The following CRTC3 variants were observed in gnomAD, a reference collection of about 807,000 sequenced individuals.
CRTC3 encodes the protein CREB-regulated transcription coactivator 3.
CRTC3 carries 26 observed loss-of-function variants against 74.5 expected under a neutral mutation model. The ratio of observed to expected loss-of-function variants is 0.35; its 90% CI spans 0.26 to 0.48. The LOEUF (loss-of-function observed/expected upper bound fraction) is 0.48, where lower values mean the gene tolerates loss of function less well. CRTC3 is among the 20% of genes least tolerant of loss of function. The pLI is 0.99. For synonymous variants in CRTC3, 377 were observed against 325.8 expected, an observed-to-expected ratio of 1.16 and a Z score of -1.69; for missense variants, 760 against 787.3, an observed-to-expected ratio of 0.97 and a Z score of 0.41.
At chr15:90,630,712 T>C (rs1969005246) in intron 11 of CRTC3, among the ~76,000 whole-genome samples, 1 of 151,952 alleles carries the variant, frequency 6.6e-6, no homozygotes, top group African/African-American at 2.4e-5. Context: ...CATCGAGGAA[T>C]GTGTTTTCAA....
intron 2 of CRTC3, among the ~76,000 whole-genome samples, chr15:90,565,313 C>G (rs940617337): frequency 2.0e-5 from 3 of 152,184 alleles, no homozygotes; most frequent in African/African-American, 7.2e-5. Context: ...TAGCACTTCA[C>G]AGTGTCGTGA....
intron 7 of CRTC3, among the ~76,000 whole-genome samples, chr15:90,616,701 A>T (rs1968502557): frequency 6.6e-6 from 1 of 152,220 alleles, no homozygotes; most frequent in Non-Finnish European, 1.5e-5. Flanking sequence ...TTCTGAGAAT[A>T]AAAAGTATTT....
At position 90,643,523 on chromosome 15, in the gene CRTC3, G is replaced by C. The variant is rs79202745; in HGVS notation, c.*1383G>C. The C allele has an allele frequency of 1.7e-5, 4 of 228,644 alleles. No homozygotes were observed. The highest frequency in any genetic ancestry group is 6.2e-5 in the East Asian group (1 of 16,030). 14.2% of individuals were successfully genotyped at this position (228,644 alleles called of 1,614,324 possible). A position where few individuals can be genotyped will look rare whatever the true frequency, so the allele number is the denominator to read the frequency against. On this transcript the variant is annotated 3_prime_UTR_variant, in exon 15 of 15. Transcript: ENST00000268184. ...GGAAGATCTTCCTTCTCAGATCCACGTTTGGCTCTAAATTGCTTCAAGTAG... is the reference window on the plus strand; with the variant it reads ...GGAAGATCTTCCTTCTCAGATCCACCTTTGGCTCTAAATTGCTTCAAGTAG...
At chr15:90,615,330 AG>A (rs1968465183) in intron 7 of CRTC3, among the ~76,000 whole-genome samples, 1 of 152,204 alleles carries the variant, frequency 6.6e-6, no homozygotes, top group Non-Finnish European at 1.5e-5. Context: ...ACTCAGTACC[AG>A]GGACTGTTTT....
chr15:90,627,189 C>T (rs978076339), intron 10 of CRTC3, among the ~76,000 whole-genome samples: 2 of 152,246 alleles, frequency 1.3e-5, no homozygotes, highest in Admixed American at 1.3e-4. Context: ...CCTGGTGCAA[C>T]ACAATCTTAG....
chr15:90,634,305 G>T (rs1969154527), intron 11 of CRTC3, among the ~76,000 whole-genome samples: 1 of 152,050 alleles, frequency 6.6e-6, no homozygotes, highest in Non-Finnish European at 1.5e-5. Context: ...GTAGAGACGG[G>T]ATTTCACCAT....
chr15:90,641,423 TGC>T (rs1183765104), intron 14 of CRTC3, among the ~76,000 whole-genome samples: 1 of 152,080 alleles, frequency 6.6e-6, no homozygotes, highest in African/African-American at 2.4e-5. Context: ...TCTGGCCCAG[TGC>T]GGTGGCTCAC....
intron 13 of CRTC3, 187 bp from the exon 14 acceptor site, chr15:90,640,909 GC>G: frequency 1.7e-6 from 1 of 583,960 alleles, no homozygotes; most frequent in Admixed American, 2.8e-5. Flanking sequence ...CTCCACCCCA[GC>G]GTCTGCCTGC....
chr15:90,604,319 C>A, intron 4 of CRTC3, 66 bp from the exon 5 acceptor site: 1 of 1,259,606 alleles, frequency 7.9e-7, no homozygotes, highest in Non-Finnish European at 1.2e-6. Flanking sequence ...AATGCAAGTG[C>A]TGAGGCCCTC....
chr15:90,576,337 A>G (rs1967403038), intron 2 of CRTC3, among the ~76,000 whole-genome samples: 1 of 152,124 alleles, frequency 6.6e-6, no homozygotes, highest in African/African-American at 2.4e-5. Flanking sequence ...ATGAGGAGGA[A>G]GCACTCAAGG....
chr15:90,575,831 T>C (rs958181727), intron 2 of CRTC3, among the ~76,000 whole-genome samples: 1 of 152,236 alleles, frequency 6.6e-6, no homozygotes, highest in Non-Finnish European at 1.5e-5. Context: ...ACTTTATTTA[T>C]TTATTTATTC....
intron 6 of CRTC3, among the ~76,000 whole-genome samples, chr15:90,609,664 A>G (rs1183423468): frequency 2.0e-5 from 3 of 152,340 alleles, no homozygotes; most frequent in East Asian, 3.9e-4. Flanking sequence ...TAACTGAAGA[A>G]AGAAATTACC....
intron 11 of CRTC3, among the ~76,000 whole-genome samples, chr15:90,633,160 T>C (rs61411110): frequency 0.02 from 3,094 of 152,304 alleles, 125 homozygotes; most frequent in African/African-American, 0.071. Context: ...TAGTATACTA[T>C]GAAACAAGAA....
chr15:90,559,221 T>A (rs1054345395), intron 2 of CRTC3, among the ~76,000 whole-genome samples: 3 of 152,182 alleles, frequency 2.0e-5, no homozygotes, highest in Non-Finnish European at 2.9e-5. Context: ...AGTTGAGTAT[T>A]AGCACTATTC....
intron 11 of CRTC3, among the ~76,000 whole-genome samples, chr15:90,635,481 C>T (rs1028937021): frequency 2.2e-4 from 33 of 152,044 alleles, no homozygotes; most frequent in African/African-American, 7.7e-4. Flanking sequence ...CCCGTCTCTA[C>T]TAAAAATACA....
intron 4 of CRTC3, among the ~76,000 whole-genome samples, chr15:90,603,045 A>G (rs1454086937): frequency 6.6e-6 from 1 of 152,206 alleles, no homozygotes; most frequent in African/African-American, 2.4e-5. Flanking sequence ...AAAGTTATTT[A>G]AAGAAATCTA....
chr15:90,607,362 C>T lies in CRTC3; in HGVS notation c.477-16C>T, dbSNP rs762016021. 1 of 1,533,268 alleles carries T rather than the reference C, an allele frequency of 6.5e-7. No individual in the cohort carries two copies. Among genetic ancestry groups the T allele is most frequent in the Non-Finnish European group, 9.0e-7 (1 of 1,114,544 alleles). 95.0% of individuals were successfully genotyped at this position (1,533,268 alleles called of 1,614,324 possible). A position where few individuals can be genotyped will look rare whatever the true frequency, so the allele number is the denominator to read the frequency against. Reference sequence around the variant, plus strand: ...GAAAACGGATTTTCAGCCAGCCTCTCTCCTCCCCTCCTTAGGACCAATTCT... The same window carrying T: ...GAAAACGGATTTTCAGCCAGCCTCTTTCCTCCCCTCCTTAGGACCAATTCT... On this transcript the variant is annotated splice_polypyrimidine_tract_variant and intron_variant, in intron 5 of 14. Coordinates refer to ENST00000268184, the MANE Select transcript of CRTC3 (RefSeq NM_022769.5).
At chr15:90,631,891 G>A (rs776750842) in intron 11 of CRTC3, among the ~76,000 whole-genome samples, 13 of 151,738 alleles carry the variant, frequency 8.6e-5, no homozygotes, top group Admixed American at 1.3e-4. Context: ...GAGCCACTGT[G>A]CCCTGCCATA....
intron 10 of CRTC3, 90 bp downstream of exon 10, chr15:90,626,083 A>ATGAC: frequency 1.1e-6 from 1 of 933,858 alleles, no homozygotes; most frequent in Non-Finnish European, 1.8e-6. Context: ...TTGAATGAGA[A>ATGAC]TGACTGCATC....
Sources: allele counts gnomAD v4.1 joint callset (sites outside exome capture counted in the v4.1 genomes callset), GRCh38; gene constraint gnomAD v4.1.1; transcripts MANE v1.5; gene names NCBI Gene and HGNC (gene_info 2026-07-23, HGNC 2026-07-21).